RALGPS1: variants seen among roughly 807,000 people sequenced by gnomAD.
RALGPS1 encodes the protein ras-specific guanine nucleotide-releasing factor RalGPS1.
RALGPS1 carries 19 observed loss-of-function variants against 78.8 expected under a neutral mutation model. The ratio of observed to expected loss-of-function variants is 0.24; its 90% CI spans 0.17 to 0.35. The LOEUF (loss-of-function observed/expected upper bound fraction) is 0.35. RALGPS1 is among the 10% of genes least tolerant of loss of function. The pLI is 1.00. For missense variants in RALGPS1, 454 were observed against 688.3 expected, an observed-to-expected ratio of 0.66 and a Z score of 3.81; for synonymous variants, 228 against 256.3, an observed-to-expected ratio of 0.89 and a Z score of 1.06.
At chr9:126,952,014 T>C (rs1009540116) in intron 1 of RALGPS1, among the ~76,000 whole-genome samples, 1 of 152,240 alleles carries the variant, frequency 6.6e-6, no homozygotes, top group Admixed American at 6.5e-5. Flanking sequence ...CAAGCATTCT[T>C]ATACACCAAT....
chr9:127,115,848 G>A (rs1200688175), intron 8 of RALGPS1, among the ~76,000 whole-genome samples: 1 of 152,228 alleles, frequency 6.6e-6, no homozygotes, highest in East Asian at 1.9e-4. Flanking sequence ...TCACCTTGGA[G>A]AACCTGGTGA....
intron 8 of RALGPS1, among the ~76,000 whole-genome samples, chr9:127,127,051 T>C (rs2056666641): frequency 6.6e-6 from 1 of 152,216 alleles, no homozygotes; most frequent in South Asian, 2.1e-4. Context: ...TCTCTCTACT[T>C]GTATACAGTT....
chr9:127,025,900 G>A (rs1485143921), intron 4 of RALGPS1, among the ~76,000 whole-genome samples: 2 of 151,728 alleles, frequency 1.3e-5, no homozygotes, highest in South Asian at 2.1e-4. Flanking sequence ...CGACAGGGTT[G>A]CACTATATTG....
intron 11 of RALGPS1, chr9:127,178,276 G>A (rs1352675899): frequency 2.8e-6 from 1 of 351,796 alleles, no homozygotes; most frequent in African/African-American, 2.1e-5. Flanking sequence ...AGGGGTCCAG[G>A]AGATGCATCT....
At chr9:127,119,290 C>T (rs569163644) in intron 8 of RALGPS1, among the ~76,000 whole-genome samples, 18 of 152,282 alleles carry the variant, frequency 1.2e-4, no homozygotes, top group African/African-American at 3.4e-4. Context: ...GCAAGGGATG[C>T]GCTAAAGTTG....
At chr9:126,979,559 A>T (rs1588794327) in intron 4 of RALGPS1, among the ~76,000 whole-genome samples, 1 of 152,150 alleles carries the variant, frequency 6.6e-6, no homozygotes, top group South Asian at 2.1e-4. Context: ...AACATCAAGG[A>T]GGGCAGCCCA....
At chr9:127,188,279 G>C (rs2060792680) in intron 11 of RALGPS1, among the ~76,000 whole-genome samples, 1 of 152,024 alleles carries the variant, frequency 6.6e-6, no homozygotes, top group Non-Finnish European at 1.5e-5. Context: ...GGCCAGGCTG[G>C]TCTCAAACTC....
chr9:126,958,142 A>AAAAAAAAATATATATATATATAT (rs113413659), intron 1 of RALGPS1, among the ~76,000 whole-genome samples: 1 of 77,106 alleles, frequency 1.3e-5, no homozygotes. Flanking sequence ...AAAAAAAAAA[A>AAAAAAAAATATATATATATATAT]ATATATATAT....
intron 10 of RALGPS1, among the ~76,000 whole-genome samples, chr9:127,170,680 T>C (rs1209718486): frequency 6.6e-6 from 1 of 152,242 alleles, no homozygotes; most frequent in Non-Finnish European, 1.5e-5. Flanking sequence ...ACTAATATGC[T>C]TTAGACAGAA....
chr9:127,089,192 G>C, intron 8 of RALGPS1: 7 of 1,584,418 alleles, frequency 4.4e-6, no homozygotes, highest in Non-Finnish European at 6.1e-6. Flanking sequence ...TTCTACTTGC[G>C]TCCATAGTGC....
At chr9:126,940,521 G>A (rs1271840663) in intron 1 of RALGPS1, among the ~76,000 whole-genome samples, 25 of 148,744 alleles carry the variant, frequency 1.7e-4, no homozygotes, top group Non-Finnish European at 1.3e-4. Context: ...CTCACTGCAA[G>A]CTCTGCCTCC....
chr9:127,089,626 A>G (rs1321930948), intron 8 of RALGPS1, among the ~76,000 whole-genome samples: 1 of 152,202 alleles, frequency 6.6e-6, no homozygotes, highest in African/African-American at 2.4e-5. Flanking sequence ...AATGACAAAG[A>G]AAGTGTTTAA....
intron 4 of RALGPS1, among the ~76,000 whole-genome samples, chr9:127,029,797 G>T (rs879481616): frequency 6.6e-6 from 1 of 152,162 alleles, no homozygotes; most frequent in African/African-American, 2.4e-5. Flanking sequence ...CTCCAGACAC[G>T]GTCAGGGTTG....
Position 127,219,015 on chromosome 9 carries a change from C to T in RALGPS1, c.*246C>T, listed in dbSNP as rs2062704625. ...CCGCCTCTTGGGGCAGTGGTCAGAC[C>T]CCACACGCCCTCTCTGGGCCCACCA... On this transcript the variant is annotated 3_prime_UTR_variant, in exon 19 of 19. Transcript: ENST00000259351. This position sits in a 1 kb window ranked among gnomAD's most constrained non-coding sequence, Gnocchi z 5.0. The T allele has an allele frequency of 1.8e-5, 10 of 562,410 alleles. 1 individual carries two copies. In the South Asian group the frequency reaches 2.0e-4, roughly 11 times the overall value. 34.8% of individuals were successfully genotyped at this position (562,410 alleles called of 1,614,324 possible). A position where few individuals can be genotyped will look rare whatever the true frequency, so the allele number is the denominator to read the frequency against.
At chr9:127,173,484 C>G (rs183690646) in intron 10 of RALGPS1, among the ~76,000 whole-genome samples, 1 of 152,242 alleles carries the variant, frequency 6.6e-6, no homozygotes, top group African/African-American at 2.4e-5. Context: ...ATGCCCCTTC[C>G]CTTGTTTAGT....
At chr9:126,963,794 C>G (rs1006730219) in intron 2 of RALGPS1, among the ~76,000 whole-genome samples, 2 of 152,222 alleles carry the variant, frequency 1.3e-5, no homozygotes, top group Non-Finnish European at 2.9e-5. Flanking sequence ...CTCCCTGACT[C>G]TCGAGCCGGT....
chr9:127,086,294 A>G (rs1408704082), intron 8 of RALGPS1, among the ~76,000 whole-genome samples: 2 of 152,186 alleles, frequency 1.3e-5, no homozygotes, highest in East Asian at 1.9e-4. Flanking sequence ...ATTTTGATAT[A>G]TACACTGGCA....
chr9:127,176,342 A>G (rs1445692300), intron 11 of RALGPS1, among the ~76,000 whole-genome samples: 3 of 152,202 alleles, frequency 2.0e-5, no homozygotes, highest in Non-Finnish European at 4.4e-5. Flanking sequence ...CTGCCATTCT[A>G]GAACACCTTC....
At chr9:126,997,219 A>G (rs144739833) in intron 4 of RALGPS1, among the ~76,000 whole-genome samples, 4,186 of 152,278 alleles carry the variant, frequency 0.027, 51 homozygotes, top group Middle Eastern at 0.048. Context: ...AGGGTATTCA[A>G]TTAGGAAAAG....
Sources: gnomAD v4.1 joint callset for allele counts (sites outside exome capture counted in the v4.1 genomes callset) on GRCh38, gnomAD v4.1.1 for gene constraint, Gnocchi (gnomAD v3.1) non-coding constraint, MANE v1.5 for transcripts, NCBI Gene and HGNC (gene_info 2026-07-23, HGNC 2026-07-21) for gene names.